SCAI: variants seen among roughly 807,000 people sequenced by gnomAD.
SCAI encodes the protein suppressor of cancer cell invasion.
Under a neutral mutation model 92.2 loss-of-function variants are expected in SCAI, and 24 were observed. That is an observed-to-expected ratio of 0.26 (90% confidence interval 0.19 to 0.37). The LOEUF is 0.37. Ranked by LOEUF, SCAI falls within the 10% of genes least tolerant of loss-of-function variation. The pLI, the probability that SCAI is intolerant of heterozygous loss-of-function variation, is 1.00. For synonymous variants in SCAI, 261 were observed against 258.6 expected, an observed-to-expected ratio of 1.01 and a Z score of -0.09; for missense variants, 450 against 736.2, an observed-to-expected ratio of 0.61 and a Z score of 4.50.
intron 3 of SCAI, among the ~76,000 whole-genome samples, chr9:125,052,930 A>G (rs1357607361): frequency 2.0e-5 from 3 of 152,076 alleles, no homozygotes; most frequent in Non-Finnish European, 4.4e-5. Context: ...GAAAATAGTA[A>G]GTGTTGATGA....
At chr9:125,143,345 C>A (rs1835716187) in intron 1 of SCAI, 40 bp downstream of exon 1, 3 of 1,244,784 alleles carry the variant, frequency 2.4e-6, no homozygotes, top group African/African-American at 3.2e-5. Context: ...CCCTGGCCCC[C>A]ACCCCATCCC....
rs1015282049 is a variant in SCAI, at chr9:124,951,123, T to C, written c.*1684A>G. 1.3e-5 allele frequency: 2 copies of C among 151,248 alleles called. No homozygotes were observed. Among genetic ancestry groups the C allele is most frequent in the Admixed American group, 6.6e-5 (1 of 15,138 alleles). The allele number at this position is 151,248 out of a possible 1,614,324, so 9.4% of individuals were successfully genotyped here. A position where few individuals can be genotyped will look rare whatever the true frequency, so the allele number is the denominator to read the frequency against. On this transcript the variant is annotated 3_prime_UTR_variant, in exon 18 of 18. Transcript: ENST00000336505. ...CCCCAAACCCCAAAAACAGTAACTTTGGACTTCAGGTTTGAAAAATCAGCA... is the reference window on the plus strand; with the variant it reads ...CCCCAAACCCCAAAAACAGTAACTTCGGACTTCAGGTTTGAAAAATCAGCA...
chr9:125,091,104 G>A lies in SCAI; in HGVS notation c.99-35097C>T, dbSNP rs1267713800. Among the ~76,000 whole-genome samples, 6 of 152,074 alleles carry A rather than the reference G, an allele frequency of 3.9e-5. No individual in the cohort carries two copies. The highest frequency in any genetic ancestry group is 1.2e-4 in the African/African-American group (5 of 41,390). The stretch of plus-strand genomic sequence containing the variant: ...TGCACTCCAGCCTGGGTGACAAAGC[G>A]AGACTCTGTCTCAAAAAAAAGAAAG... On this transcript the variant is annotated intron_variant, in intron 2 of 17. Coordinates refer to ENST00000336505, the MANE Select transcript of SCAI (RefSeq NM_001144877.3). The surrounding 1 kb of genome is among the most constrained non-coding windows in gnomAD (Gnocchi z 4.3).
chr9:125,018,802 A>C lies in SCAI; in HGVS notation c.858T>G (p.Asn286Lys), dbSNP rs747552796. 1 of 1,607,108 alleles carries C rather than the reference A, an allele frequency of 6.2e-7. No homozygotes were observed. The highest frequency in any genetic ancestry group is 2.2e-5 in the East Asian group (1 of 44,778). The change falls in exon 9 of 18, where the codon AAT becomes AAG. Residue 286 changes from asparagine (N) to lysine (K), a missense_variant. Asn to Lys is a moderately conservative substitution (Grantham distance 94). Around this residue, in one of 3 missense-constraint regions of SCAI, gnomAD observed 360 missense variants for 601.8 expected, o/e 0.60. Transcript: ENST00000336505. ...ADALIIGNCN[N>K]QVKFSELTVD... ...TAATTCCTTCACAATTCTTTACCTG[A>C]TTATTACAATTACCAATAATGAGTG...
At chr9:124,972,523 C>T (rs1374475639) in intron 15 of SCAI, among the ~76,000 whole-genome samples, 1 of 152,260 alleles carries the variant, frequency 6.6e-6, no homozygotes, top group Non-Finnish European at 1.5e-5. Flanking sequence ...CTAATTTCAC[C>T]TGTTTCTTTT....
intron 2 of SCAI, among the ~76,000 whole-genome samples, chr9:125,139,695 A>G (rs1478271564): frequency 6.6e-6 from 1 of 152,224 alleles, no homozygotes; most frequent in Non-Finnish European, 1.5e-5. Context: ...ATGATGTTCA[A>G]TAAGCAATGA....
intron 3 of SCAI, among the ~76,000 whole-genome samples, chr9:125,035,845 G>A (rs1356156613): frequency 6.6e-6 from 1 of 152,130 alleles, no homozygotes; most frequent in African/African-American, 2.4e-5. Context: ...ATCATTTGAG[G>A]CCAGGAGTTC....
At chr9:125,137,136 A>G (rs1835555927) in intron 2 of SCAI, among the ~76,000 whole-genome samples, 1 of 152,096 alleles carries the variant, frequency 6.6e-6, no homozygotes, top group African/African-American at 2.4e-5. Context: ...TTAACTGTAC[A>G]TTTTGTTTTC....
chr9:124,972,722 T>C (rs1311194836), intron 15 of SCAI, among the ~76,000 whole-genome samples: 1 of 152,194 alleles, frequency 6.6e-6, no homozygotes, highest in East Asian at 1.9e-4. Context: ...GGTATTATCA[T>C]TTCTACCAGC....
chr9:124,993,023 A>G (rs1325754986), intron 14 of SCAI, among the ~76,000 whole-genome samples: 1 of 152,238 alleles, frequency 6.6e-6, no homozygotes, highest in Admixed American at 6.5e-5. Context: ...AAACTAATGG[A>G]TTGCTAAAGT....
intron 3 of SCAI, among the ~76,000 whole-genome samples, chr9:125,052,380 G>A (rs1833577241): frequency 6.6e-6 from 1 of 152,172 alleles, no homozygotes; most frequent in African/African-American, 2.4e-5. Context: ...AGACCAGCCT[G>A]GCCAACATGG....
At chr9:124,994,372 C>G (rs914467162) in intron 14 of SCAI, among the ~76,000 whole-genome samples, 1 of 152,170 alleles carries the variant, frequency 6.6e-6, no homozygotes, top group African/African-American at 2.4e-5. Flanking sequence ...TGAAAATCAT[C>G]ACTTCAATAG....
intron 2 of SCAI, among the ~76,000 whole-genome samples, chr9:125,080,710 T>C (rs1321928755): frequency 2.0e-5 from 3 of 152,198 alleles, no homozygotes; most frequent in Non-Finnish European, 4.4e-5. Flanking sequence ...CATTAGACAA[T>C]ATTCATAACA....
chr9:125,136,563 C>G (rs548856256), intron 2 of SCAI, among the ~76,000 whole-genome samples: 1 of 143,668 alleles, frequency 7.0e-6, no homozygotes, highest in East Asian at 2.1e-4. Flanking sequence ...CAGGTTGAAG[C>G]GATTCTCCCG....
chr9:125,042,877 T>C (rs1833355627), intron 3 of SCAI, among the ~76,000 whole-genome samples: 1 of 127,802 alleles, frequency 7.8e-6, no homozygotes, highest in Non-Finnish European at 1.7e-5. Context: ...TTTTTTTTTT[T>C]TTTTTTTTTT....
chr9:125,142,803 C>A, intron 1 of SCAI, 126 bp from the exon 2 acceptor site: 6 of 770,896 alleles, frequency 7.8e-6, no homozygotes, highest in South Asian at 2.9e-5. Context: ...AAGCCCAGAT[C>A]TGACCTTACA....
At chr9:125,134,271 T>C (rs1835467475) in intron 2 of SCAI, among the ~76,000 whole-genome samples, 1 of 152,200 alleles carries the variant, frequency 6.6e-6, no homozygotes, top group Non-Finnish European at 1.5e-5. Context: ...ACCCTTTGTA[T>C]GTACTGTGTA....
chr9:125,040,919 C>T (rs936828526), intron 3 of SCAI, among the ~76,000 whole-genome samples: 1 of 152,016 alleles, frequency 6.6e-6, no homozygotes, highest in Non-Finnish European at 1.5e-5. Context: ...CAGGTGTGAG[C>T]CACCGCACCC....
chr9:125,058,831 C>T (rs1833721145), intron 2 of SCAI, among the ~76,000 whole-genome samples: 1 of 152,098 alleles, frequency 6.6e-6, no homozygotes, highest in African/African-American at 2.4e-5. Context: ...TGGTAGTAAG[C>T]AAGAAAGTGC....
Sources: gnomAD v4.1 joint callset for allele counts (sites outside exome capture counted in the v4.1 genomes callset) on GRCh38, gnomAD v4.1.1 for gene constraint, gnomAD v4.1.1 regional missense constraint, Gnocchi (gnomAD v3.1) non-coding constraint, MANE v1.5 for transcripts, NCBI Gene and HGNC (gene_info 2026-07-23, HGNC 2026-07-21) for gene names.